The following OCIAD1 variants were observed in gnomAD, a reference collection of about 807,000 sequenced individuals.
The protein encoded by OCIAD1 is OCIA domain-containing protein 1.
In OCIAD1, 29 loss-of-function variants were observed where a neutral mutation model predicts 38.9. The observed-to-expected ratio is 0.74, with a 90% CI of 0.55 to 1.02. The LOEUF is 1.02. OCIAD1 is among the 50% of genes least tolerant of loss of function. The pLI, the probability that OCIAD1 is intolerant of heterozygous loss-of-function variation, is 0.00. For missense variants in OCIAD1, 288 were observed against 289.6 expected (o/e 0.99, Z 0.04); for synonymous variants, 110 against 92.0 (o/e 1.20, Z -1.12).
chr4:48,813,018 G>A (rs1777106902), intron 1 of OCIAD1, among the ~76,000 whole-genome samples: 2 of 152,172 alleles, frequency 1.3e-5, no homozygotes, highest in African/African-American at 4.8e-5. Context: ...AGCACAGGCA[G>A]AAGAGCTGTG....
At chr4:48,825,060 C>A (rs1484159279) in intron 1 of OCIAD1, among the ~76,000 whole-genome samples, 1 of 152,108 alleles carries the variant, frequency 6.6e-6, no homozygotes, top group East Asian at 1.9e-4. Flanking sequence ...TCAAATAAGT[C>A]AAAATAATGA....
chr4:48,829,948 A>G (rs952871670), upstream of OCIAD1, among the ~76,000 whole-genome samples: 1 of 152,214 alleles, frequency 6.6e-6, no homozygotes, highest in South Asian at 2.1e-4. Flanking sequence ...AGGAAGAGTG[A>G]TTACTTCTCT....
At chr4:48,845,636 T>A (rs1351365390) in intron 4 of OCIAD1, among the ~76,000 whole-genome samples, 1 of 152,220 alleles carries the variant, frequency 6.6e-6, no homozygotes, top group Admixed American at 6.5e-5. Context: ...GTTACTATAT[T>A]TTGGATATAA....
intron 3 of OCIAD1, among the ~76,000 whole-genome samples, chr4:48,837,721 T>C (rs914099560): frequency 3.3e-5 from 5 of 151,668 alleles, no homozygotes; most frequent in African/African-American, 7.3e-5. Flanking sequence ...TAAGTCTTGA[T>C]GACACAGGAT....
Position 48,832,715 on chromosome 4 carries a change from C to T in OCIAD1, c.58+33C>T, listed in dbSNP as rs188417820. On this transcript the variant is annotated intron_variant, in intron 2 of 8. Transcript: ENST00000264312. ...TCTATTAAGTATTTATAATTAGAAGCACTTCCTATGTAAAGGAATTTTCAC... is the reference window on the plus strand; with the variant it reads ...TCTATTAAGTATTTATAATTAGAAGTACTTCCTATGTAAAGGAATTTTCAC... 1.8e-3 allele frequency: 2,774 copies of T among 1,520,448 alleles called. 64 individuals are homozygous for T. Among genetic ancestry groups the T allele is most frequent in the Non-Finnish European group, 2.1e-4 (231 of 1,094,828 alleles). The allele number at this position is 1,520,448 out of a possible 1,614,324, so 94.2% of individuals were successfully genotyped here.
rs143677601 is a variant in OCIAD1 at position 48,851,796 on chromosome 4, T to C, written c.378-10T>C. Reference sequence around the variant, plus strand: ...CATATTTCTTACTACAATATGATTTTCATTTACAGGCACTATTATCAAAAG... The same window carrying C: ...CATATTTCTTACTACAATATGATTTCCATTTACAGGCACTATTATCAAAAG... On this transcript the variant is annotated splice_polypyrimidine_tract_variant and intron_variant, in intron 6 of 8. Transcript: ENST00000264312. 7,999 of 1,535,574 alleles carry C rather than the reference T, an allele frequency of 5.2e-3. 32 individuals are homozygous for C. Among genetic ancestry groups the C allele is most frequent in the Non-Finnish European group, 6.4e-3 (7,080 of 1,110,092 alleles).
chr4:48,820,689 A>C (rs913344898), intron 1 of OCIAD1, among the ~76,000 whole-genome samples: 1 of 152,224 alleles, frequency 6.6e-6, no homozygotes, highest in African/African-American at 2.4e-5. Flanking sequence ...AGAATCAAAT[A>C]GACACAATAA....
intron 1 of OCIAD1, among the ~76,000 whole-genome samples, chr4:48,808,376 G>T (rs182348682): frequency 1.2e-4 from 19 of 152,176 alleles, no homozygotes; most frequent in African/African-American, 4.3e-4. Context: ...AAGCTGAGGT[G>T]GTTCAACTAC....
At chr4:48,846,113 G>A (rs1778959656) in intron 4 of OCIAD1, among the ~76,000 whole-genome samples, 1 of 152,084 alleles carries the variant, frequency 6.6e-6, no homozygotes, top group Non-Finnish European at 1.5e-5. Context: ...CCTGTTTCCT[G>A]TTAATATCCA....
intron 7 of OCIAD1, among the ~76,000 whole-genome samples, chr4:48,854,162 G>A (rs768396603): frequency 1.4e-4 from 22 of 152,056 alleles, no homozygotes; most frequent in African/African-American, 4.1e-4. Context: ...GGATAAGTTC[G>A]AAGACCCCTG....
At chr4:48,827,876 T>C (rs1454968019), upstream of OCIAD1, among the ~76,000 whole-genome samples, 5 of 152,224 alleles carry the variant, frequency 3.3e-5, no homozygotes, top group African/African-American at 1.2e-4. Flanking sequence ...AGAACTTTTA[T>C]GTCTAGCTGG....
At chr4:48,846,097 G>A (rs1332483789) in intron 4 of OCIAD1, among the ~76,000 whole-genome samples, 16 of 152,212 alleles carry the variant, frequency 1.1e-4, no homozygotes, top group Admixed American at 3.9e-4. Context: ...AGAGTAAAGA[G>A]TGTGTCCTGT....
chr4:48,812,673 G>C (rs1273554282), intron 1 of OCIAD1, among the ~76,000 whole-genome samples: 1 of 152,166 alleles, frequency 6.6e-6, no homozygotes, highest in Non-Finnish European at 1.5e-5. Context: ...CATTTGCTTA[G>C]GGTAAAAGTG....
chr4:48,805,284 A>G (rs1777013240), exon 1 of OCIAD1: 1 of 152,274 alleles, frequency 6.6e-6, no homozygotes, highest in Non-Finnish European at 1.5e-5. Context: ...GCCCCAAGAG[A>G]GCCTTCAGAT....
chr4:48,830,350 G>A (rs1206100676), upstream of OCIAD1, among the ~76,000 whole-genome samples: 2 of 152,184 alleles, frequency 1.3e-5, no homozygotes, highest in East Asian at 3.8e-4. Flanking sequence ...GCTTTGAGGG[G>A]TTGACAAATA....
At chr4:48,829,015 C>G, upstream of OCIAD1, among the ~76,000 whole-genome samples, 1 of 152,206 alleles carries the variant, frequency 6.6e-6, no homozygotes, top group Admixed American at 6.5e-5. Flanking sequence ...AACCCCAGCA[C>G]TTCGGGAGGC....
chr4:48,816,528 T>C (rs978312129), intron 1 of OCIAD1, among the ~76,000 whole-genome samples: 2 of 142,104 alleles, frequency 1.4e-5, no homozygotes, highest in African/African-American at 5.3e-5. Context: ...CAAGAGTCCG[T>C]CTAAAAGGAA....
At chr4:48,848,049 C>T (rs1450871987) in intron 4 of OCIAD1, among the ~76,000 whole-genome samples, 1 of 146,988 alleles carries the variant, frequency 6.8e-6, no homozygotes, top group Non-Finnish European at 1.5e-5. Context: ...GGGTTTTGAG[C>T]GTTTTTTTTT....
At chr4:48,816,983 G>A (rs912342943) in intron 1 of OCIAD1, among the ~76,000 whole-genome samples, 1 of 152,148 alleles carries the variant, frequency 6.6e-6, no homozygotes. Context: ...CAAAAAAAGG[G>A]GTGGGAGAGG....
Sources: gnomAD v4.1 joint callset for allele counts (sites outside exome capture counted in the v4.1 genomes callset) on GRCh38, gnomAD v4.1.1 for gene constraint, MANE v1.5 for transcripts, NCBI Gene and HGNC (gene_info 2026-07-23, HGNC 2026-07-21) for gene names.